Variants in FERRY3 observed in about 807,000 individuals in gnomAD.
FERRY3 encodes FERRY endosomal RAB5 effector complex subunit 3, also known as protein C12orf4.
chr12:4,523,805 G>A, the FERRY3 span, among the ~76,000 whole-genome samples: 2 of 152,054 alleles, frequency 1.3e-5, no homozygotes, highest in Non-Finnish European at 2.9e-5. Flanking sequence ...ACCAGGACCC[G>A]TCGTGGGGTT....
At chr12:4,489,937 C>A in the FERRY3 span, 1 of 1,299,572 alleles carries the variant, frequency 7.7e-7, no homozygotes, top group Non-Finnish European at 1.1e-6. Context: ...CTTGTTAAAT[C>A]ATCATTGATT....
the FERRY3 span, among the ~76,000 whole-genome samples, chr12:4,499,138 A>G: frequency 6.6e-6 from 1 of 152,232 alleles, no homozygotes; most frequent in Non-Finnish European, 1.5e-5. Context: ...TTTATAATCA[A>G]TAATCAAACT....
the FERRY3 span, chr12:4,525,416 A>AAAAC: frequency 6.2e-7 from 1 of 1,601,908 alleles, no homozygotes; most frequent in Middle Eastern, 1.7e-4. Context: ...TTTTTTAACA[A>AAAAC]AAACAAACAA....
chr12:4,515,027 A>G, the FERRY3 span, among the ~76,000 whole-genome samples: 1 of 152,200 alleles, frequency 6.6e-6, no homozygotes, highest in African/African-American at 2.4e-5. Flanking sequence ...ACATGTATAC[A>G]TATGTAACTA....
At chr12:4,493,664 T>G in the FERRY3 span, among the ~76,000 whole-genome samples, 1 of 152,218 alleles carries the variant, frequency 6.6e-6, no homozygotes, top group Non-Finnish European at 1.5e-5. Context: ...TCCTTCTAAC[T>G]GCAAAGGCTG....
the FERRY3 span, among the ~76,000 whole-genome samples, chr12:4,537,061 A>G: frequency 1.3e-5 from 2 of 152,196 alleles, no homozygotes; most frequent in African/African-American, 2.4e-5. Context: ...ACCCCTGCTT[A>G]TATTTCCACT....
chr12:4,517,925 G>C, the FERRY3 span: 1 of 654,668 alleles, frequency 1.5e-6, no homozygotes, highest in South Asian at 2.0e-5. Flanking sequence ...CTATGGCTGG[G>C]TATGTTTGTT....
the FERRY3 span, among the ~76,000 whole-genome samples, chr12:4,509,729 A>G: frequency 7.0e-6 from 1 of 142,490 alleles, no homozygotes; most frequent in Non-Finnish European, 1.5e-5. Flanking sequence ...AAGGACATCC[A>G]CACCAAAAAC....
At chr12:4,538,100 C>T in the FERRY3 span, among the ~76,000 whole-genome samples, 1 of 151,836 alleles carries the variant, frequency 6.6e-6, no homozygotes, top group Non-Finnish European at 1.5e-5. Flanking sequence ...AACATTTAGA[C>T]TTGTGTTTCA....
the FERRY3 span, among the ~76,000 whole-genome samples, chr12:4,506,531 G>C: frequency 6.6e-6 from 1 of 152,110 alleles, no homozygotes; most frequent in Admixed American, 6.5e-5. Context: ...GATAGGCTTT[G>C]AATAGATGTC....
the FERRY3 span, among the ~76,000 whole-genome samples, chr12:4,509,556 C>G: frequency 1.3e-5 from 2 of 149,004 alleles, no homozygotes; most frequent in Middle Eastern, 3.4e-3. Flanking sequence ...GATCTGAGAA[C>G]GGGCAGACTG....
the FERRY3 span, chr12:4,491,218 C>G: frequency 1.2e-6 from 2 of 1,613,016 alleles, no homozygotes; most frequent in Non-Finnish European, 1.7e-6. Context: ...CCTTAAGCAC[C>G]AGGGTATAGT....
chr12:4,525,016 G>A, the FERRY3 span: 22 of 387,570 alleles, frequency 5.7e-5, no homozygotes, highest in East Asian at 8.2e-4. Context: ...GTATTTAGGT[G>A]TATGTATCTA....
chr12:4,502,061 C>T, the FERRY3 span, among the ~76,000 whole-genome samples: 2 of 152,232 alleles, frequency 1.3e-5, no homozygotes, highest in Non-Finnish European at 2.9e-5. The surrounding 1 kb of genome is among the most constrained non-coding windows in gnomAD (Gnocchi z 4.2). Context: ...AAGATTCTCA[C>T]AGGGCTGACT....
chr12:4,525,416 AAAAC>A, the FERRY3 span: 56 of 1,601,908 alleles, frequency 3.5e-5, no homozygotes, highest in East Asian at 2.9e-4. Context: ...TTTTTTAACA[AAAAC>A]AAACAAACAA....
chr12:4,490,032 A>G, the FERRY3 span: 9 of 592,732 alleles, frequency 1.5e-5, no homozygotes, highest in Admixed American at 3.3e-5. Context: ...ATTATCTTTC[A>G]TGGCCGATGT....
At chr12:4,504,493 A>C in the FERRY3 span, among the ~76,000 whole-genome samples, 1 of 152,200 alleles carries the variant, frequency 6.6e-6, no homozygotes, top group African/African-American at 2.4e-5. Context: ...ATAATAAAGG[A>C]GAAAAATGGA....
the FERRY3 span, chr12:4,534,391 C>T: frequency 7.2e-7 from 1 of 1,386,802 alleles, no homozygotes; most frequent in African/African-American, 1.5e-5. Flanking sequence ...AATGTGAAAT[C>T]TTATTGTTAA....
At chr12:4,518,479 TTAAAG>T in the FERRY3 span, among the ~76,000 whole-genome samples, 2 of 152,200 alleles carry the variant, frequency 1.3e-5, no homozygotes, top group African/African-American at 4.8e-5. Context: ...ATAGTCTTTC[TTAAAG>T]TAAAACATAA....
Sources: allele counts gnomAD v4.1 joint callset (sites outside exome capture counted in the v4.1 genomes callset), GRCh38; gene constraint gnomAD v4.1.1; non-coding constraint Gnocchi (gnomAD v3.1); transcripts MANE v1.5; gene names NCBI Gene and HGNC (gene_info 2026-07-23, HGNC 2026-07-21).